The following AXIN1 variants were observed in gnomAD, a reference collection of about 807,000 sequenced individuals.
The protein encoded by AXIN1 is axin 1, also known as axin-1.
A neutral mutation model predicts 76.4 loss-of-function variants in AXIN1; 30 were observed. The ratio of observed to expected loss-of-function variants is 0.39; its 90% CI spans 0.29 to 0.53. The LOEUF (loss-of-function observed/expected upper bound fraction) is 0.53. Ranked by LOEUF, AXIN1 falls within the 20% of genes least tolerant of loss-of-function variation. The probability of loss-of-function intolerance (pLI) is 0.66; values close to 1 mark genes in which losing one functional copy is unlikely to be tolerated. For missense variants in AXIN1, 1,140 were observed against 1,198.8 expected, an observed-to-expected ratio of 0.95 and a Z score of 0.72; for synonymous variants, 545 against 501.4, an observed-to-expected ratio of 1.09 and a Z score of -1.16.
chr16:308,855 CAGA>C (rs2053097633), intron 4 of AXIN1, among the ~76,000 whole-genome samples: 1 of 152,204 alleles, frequency 6.6e-6, no homozygotes, highest in African/African-American at 2.4e-5. Flanking sequence ...GGCATCTTCT[CAGA>C]AGTGATAACA....
chr16:287,833 G>A lies in AXIN1; in HGVS notation c.*289C>T. ...CAAGGGAGGTGCCGGGGGATGGGGG[G>A]GGGTCACCTGAAGCTGGCAGCAGGG... On this transcript the variant is annotated 3_prime_UTR_variant, in exon 11 of 11. Coordinates refer to ENST00000262320, the MANE Select transcript of AXIN1 (RefSeq NM_003502.4). 3.8e-6 allele frequency: 2 copies of A among 527,484 alleles called. No individual in the cohort carries two copies. Among genetic ancestry groups the A allele is most frequent in the Admixed American group, 3.2e-5 (1 of 31,710 alleles). The allele number at this position is 527,484 out of a possible 1,614,324, so 32.7% of individuals were successfully genotyped here.
chr16:324,700 G>A (rs946246070), intron 2 of AXIN1, among the ~76,000 whole-genome samples: 1 of 152,186 alleles, frequency 6.6e-6, no homozygotes, highest in Admixed American at 6.5e-5. Flanking sequence ...GAGGAGGAGG[G>A]GCACCCCAGG....
chr16:319,522 G>T (rs562543763), intron 2 of AXIN1, among the ~76,000 whole-genome samples: 136 of 152,320 alleles, frequency 8.9e-4, no homozygotes, highest in African/African-American at 3.2e-3. Context: ...AAGGCAACAG[G>T]AAATGAGAAG....
rs946554031 is a variant in AXIN1 at position 293,373 on chromosome 16, G to A, written c.2186+115C>T. 1 of 1,044,946 alleles carries A rather than the reference G, an allele frequency of 9.6e-7. No individual in the cohort carries two copies. The highest frequency in any genetic ancestry group is 1.4e-6 in the Non-Finnish European group (1 of 710,144). The allele number at this position is 1,044,946 out of a possible 1,614,324, so 64.7% of individuals were successfully genotyped here. A position where few individuals can be genotyped will look rare whatever the true frequency, so the allele number is the denominator to read the frequency against. ...GATGGAAGGGCCCAGTATGGCTGGGGGACACCCAGAGGGCCGTTTTTCCCC... is the reference window on the plus strand; with the variant it reads ...GATGGAAGGGCCCAGTATGGCTGGGAGACACCCAGAGGGCCGTTTTTCCCC... On this transcript the variant is annotated intron_variant, in intron 8 of 10. Transcript: ENST00000262320. The surrounding 1 kb of genome is among the most constrained non-coding windows in gnomAD (Gnocchi z 4.6).
At chr16:321,334 C>G (rs2053453240) in intron 2 of AXIN1, among the ~76,000 whole-genome samples, 1 of 143,890 alleles carries the variant, frequency 6.9e-6, no homozygotes, top group South Asian at 2.1e-4. Context: ...CTGGTGACAA[C>G]CACTATGGGG....
chr16:289,203 A>G (rs1420831174), intron 10 of AXIN1, among the ~76,000 whole-genome samples: 1 of 151,660 alleles, frequency 6.6e-6, no homozygotes, highest in Non-Finnish European at 1.5e-5. Flanking sequence ...ATTCTGCCTC[A>G]GCCTCCCAAG....
Position 297,169 on chromosome 16 carries a change from G to C in AXIN1, c.1842C>G (p.Ser614Arg), listed in dbSNP as rs758547828. Reference protein sequence around the residue: ...RNAKKAESGKSASTEVPGASE... With the variant: ...RNAKKAESGKRASTEVPGASE... ...AGGCACCTGGCACCTCGGTGCTGGCGCTCTTCCCCGACTCAGCCTTCTTGG... is the reference window on the plus strand; with the variant it reads ...AGGCACCTGGCACCTCGGTGCTGGCCCTCTTCCCCGACTCAGCCTTCTTGG... The change falls in exon 7 of 11, where the codon AGC becomes AGG. Residue 614 changes from serine (S) to arginine (R), a missense_variant. Around this residue, in one of 3 missense-constraint regions of AXIN1, gnomAD observed 429 missense variants for 405.8 expected, o/e 1.06. Transcript: ENST00000262320. 3 of 1,611,594 alleles carry C rather than the reference G, an allele frequency of 1.9e-6. No homozygotes were observed. Among genetic ancestry groups the C allele is most frequent in the Non-Finnish European group, 2.5e-6 (3 of 1,179,936 alleles).
At chr16:294,570 C>T (rs759081458) in intron 7 of AXIN1, among the ~76,000 whole-genome samples, 1 of 150,732 alleles carries the variant, frequency 6.6e-6, no homozygotes, top group Non-Finnish European at 1.5e-5. Flanking sequence ...GCCTGGCCAA[C>T]ATGGTGAAAC....
At chr16:303,594 C>T (rs2052933925) in intron 5 of AXIN1, among the ~76,000 whole-genome samples, 2 of 152,060 alleles carry the variant, frequency 1.3e-5, no homozygotes, top group South Asian at 2.1e-4. Context: ...TTTGGCCAGG[C>T]TGGTCTCAAA....
At chr16:314,441 G>T in intron 3 of AXIN1, 102 bp downstream of exon 3, 1 of 1,553,964 alleles carries the variant, frequency 6.4e-7, no homozygotes. Context: ...CAGGGTGTCT[G>T]GGGCAGGACT....
At chr16:318,355 G>A (rs1039506445) in intron 2 of AXIN1, among the ~76,000 whole-genome samples, 1 of 152,186 alleles carries the variant, frequency 6.6e-6, no homozygotes, top group African/African-American at 2.4e-5. Context: ...AAGCACCAAG[G>A]TCAGGCAGCA....
intron 2 of AXIN1, among the ~76,000 whole-genome samples, chr16:324,857 C>T (rs2053544556): frequency 6.6e-6 from 1 of 152,218 alleles, no homozygotes; most frequent in African/African-American, 2.4e-5. Flanking sequence ...CCCCGAGTCC[C>T]GCGCAGGGAA....
rs190690281 is a variant in AXIN1, at chr16:313,772, A to G, written c.1019+771T>C. On this transcript the variant is annotated intron_variant, in intron 3 of 10. Transcript: ENST00000262320. The stretch of plus-strand genomic sequence containing the variant: ...GCATCATCTAATGGCTGGGGTGTAC[A>G]TAGGTCCCAAAAAGCCAGCTGCGAA... Among the ~76,000 whole-genome samples the G allele has an allele frequency of 3.9e-5, 6 of 152,358 alleles. No individual in the cohort carries two copies. The East Asian group carries it at 1.2e-3, about 29-fold the overall frequency.
chr16:337,723 C>T (rs1042166712), intron 2 of AXIN1, among the ~76,000 whole-genome samples: 6 of 152,188 alleles, frequency 3.9e-5, no homozygotes, highest in African/African-American at 9.7e-5. Flanking sequence ...AAAGGAAGCC[C>T]GTGGGCCGAG....
chr16:314,499 A>G, intron 3 of AXIN1, 44 bp downstream of exon 3: 3 of 1,611,796 alleles, frequency 1.9e-6, no homozygotes, highest in Non-Finnish European at 2.5e-6. Context: ...CCGGACTTAC[A>G]CACTGCTGTC....
At position 320,743 on chromosome 16, in the gene AXIN1, A is replaced by ATATTTT. The variant is rs397722732; in HGVS notation, c.879-6061_879-6060insAAAATA. On this transcript the variant is annotated intron_variant, in intron 2 of 10. Coordinates refer to ENST00000262320, the MANE Select transcript of AXIN1 (RefSeq NM_003502.4). ...TGTGTGTATATATATATATATATATATTTTTTTTTTTTTTGAGACGGAGCC... is the reference window on the plus strand; with the variant it reads ...TGTGTGTATATATATATATATATATATATTTTTTTTTTTTTTTTTTGAGACGGAGCC... 1.0e-3 allele frequency among the ~76,000 whole-genome samples: 108 copies of ATATTTT among 107,608 alleles called. 2 individuals carry two copies. Among genetic ancestry groups the ATATTTT allele is most frequent in the African/African-American group, 4.7e-3 (102 of 21,754 alleles). 70.6% of individuals were successfully genotyped at this position (107,608 alleles called of 152,430 possible).
chr16:316,322 T>C (rs998441518), intron 2 of AXIN1, among the ~76,000 whole-genome samples: 1 of 152,230 alleles, frequency 6.6e-6, no homozygotes, highest in Admixed American at 6.5e-5. Flanking sequence ...GAGATACAGC[T>C]GTTAGCATTA....
intron 1 of AXIN1, among the ~76,000 whole-genome samples, chr16:351,968 G>A (rs980563186): frequency 2.6e-5 from 4 of 152,184 alleles, no homozygotes; most frequent in Non-Finnish European, 5.9e-5. Flanking sequence ...CAACCTGGAG[G>A]GTACGGACGC....
intron 2 of AXIN1, among the ~76,000 whole-genome samples, chr16:339,929 C>T (rs948426318): frequency 6.6e-6 from 1 of 152,184 alleles, no homozygotes; most frequent in African/African-American, 2.4e-5. Context: ...CCCTCTGCAG[C>T]CGGGCACCTT....
Sources: gnomAD v4.1 joint callset for allele counts (sites outside exome capture counted in the v4.1 genomes callset) on GRCh38, gnomAD v4.1.1 for gene constraint, gnomAD v4.1.1 regional missense constraint, Gnocchi (gnomAD v3.1) non-coding constraint, MANE v1.5 for transcripts, NCBI Gene and HGNC (gene_info 2026-07-23, HGNC 2026-07-21) for gene names.